The following RAPGEF6 variants were observed in gnomAD, a reference collection of about 807,000 sequenced individuals.
RAPGEF6 encodes Rap guanine nucleotide exchange factor 6, also known as PDZ domain containing guanine nucleotide exchange factor (GEF) 2.
A neutral mutation model predicts 171.4 loss-of-function variants in RAPGEF6; 56 were observed. The observed-to-expected ratio is 0.33, with a 90% CI of 0.26 to 0.41. The LOEUF (loss-of-function observed/expected upper bound fraction) is 0.41, where lower values mean the gene tolerates loss of function less well. Ranked by LOEUF, RAPGEF6 falls within the 10% of genes least tolerant of loss-of-function variation. The pLI, the probability that RAPGEF6 is intolerant of heterozygous loss-of-function variation, is 1.00. For missense variants in RAPGEF6, 1,674 were observed against 1,921.4 expected (o/e 0.87, Z 2.41); for synonymous variants, 692 against 650.1 (o/e 1.06, Z -0.98).
chr5:131,630,647 GA>G (rs1454298518), intron 1 of RAPGEF6, among the ~76,000 whole-genome samples: 1 of 152,194 alleles, frequency 6.6e-6, no homozygotes, highest in African/African-American at 2.4e-5. Context: ...CACTGTGTTA[GA>G]AAGATATCTA....
At chr5:131,600,920 C>T (rs10069266) in intron 3 of RAPGEF6, among the ~76,000 whole-genome samples, 10,111 of 151,610 alleles carry the variant, frequency 0.067, 805 homozygotes, top group African/African-American at 0.2. Context: ...CACAAGGGGA[C>T]AAGTTGAGAA....
chr5:131,430,725 G>A, intron 26 of RAPGEF6, 134 bp downstream of exon 26: 1 of 1,250,378 alleles, frequency 8.0e-7, no homozygotes, highest in South Asian at 1.2e-5. Context: ...GAAATAACTT[G>A]TTTGTTTGTG....
intron 16 of RAPGEF6, among the ~76,000 whole-genome samples, chr5:131,478,836 T>G (rs1423053218): frequency 6.6e-6 from 1 of 152,220 alleles, no homozygotes; most frequent in Non-Finnish European, 1.5e-5. Context: ...TGAACTTGCT[T>G]TATTTCATTC....
At chr5:131,447,451 CAAACA>C (rs1378956741) in intron 21 of RAPGEF6, 1 of 152,032 alleles carries the variant, frequency 6.6e-6, no homozygotes, top group Non-Finnish European at 1.5e-5. Context: ...AACCACAATT[CAAACA>C]AACTACAGCT....
intron 11 of RAPGEF6, among the ~76,000 whole-genome samples, chr5:131,503,509 G>T (rs1757155577): frequency 1.3e-5 from 2 of 152,170 alleles, no homozygotes; most frequent in African/African-American, 2.4e-5. Flanking sequence ...GGAAAAGAAA[G>T]ATCTCTGAGG....
intron 24 of RAPGEF6, chr5:131,436,335 G>T: frequency 6.5e-7 from 1 of 1,537,604 alleles, no homozygotes; most frequent in Non-Finnish European, 8.7e-7. Flanking sequence ...TTCCGGGGCA[G>T]CTCTGGCCAC....
intron 5 of RAPGEF6, among the ~76,000 whole-genome samples, chr5:131,557,163 T>C (rs1248997511): frequency 1.3e-5 from 2 of 152,214 alleles, no homozygotes; most frequent in Non-Finnish European, 1.5e-5. Context: ...TTTTAAAATA[T>C]CCTGGGATTA....
intron 6 of RAPGEF6, among the ~76,000 whole-genome samples, chr5:131,536,553 C>CA (rs1230256932): frequency 2.6e-5 from 4 of 152,200 alleles, no homozygotes; most frequent in Admixed American, 6.6e-5. Flanking sequence ...CTGTCACAGC[C>CA]ACCAGCTGGA....
At chr5:131,450,585 C>T (rs1367916723) in intron 21 of RAPGEF6, among the ~76,000 whole-genome samples, 1 of 152,104 alleles carries the variant, frequency 6.6e-6, no homozygotes, top group Non-Finnish European at 1.5e-5. Flanking sequence ...AAAAACATAT[C>T]ATTAAAATCT....
At chr5:131,491,494 C>T (rs572942512) in intron 14 of RAPGEF6, among the ~76,000 whole-genome samples, 336 of 152,258 alleles carry the variant, frequency 2.2e-3, no homozygotes, top group Middle Eastern at 0.02. Context: ...ATTTGGGAAA[C>T]CACCCTTTGA....
At chr5:131,446,986 A>G (rs1019839033) in intron 21 of RAPGEF6, 1 of 310,088 alleles carries the variant, frequency 3.2e-6, no homozygotes, top group Non-Finnish European at 6.0e-6. Flanking sequence ...CTATGGCACA[A>G]CAGTAACAAG....
chr5:131,611,535 G>A (rs1161476232), intron 1 of RAPGEF6, among the ~76,000 whole-genome samples: 1 of 152,074 alleles, frequency 6.6e-6, no homozygotes, highest in Non-Finnish European at 1.5e-5. Flanking sequence ...AGCTATGTGT[G>A]GTGGTGCATG....
chr5:131,508,873 A>G lies in RAPGEF6; in HGVS notation c.806-666T>C, dbSNP rs574297341. On this transcript the variant is annotated intron_variant, in intron 8 of 27. Coordinates refer to ENST00000509018, the MANE Select transcript of RAPGEF6 (RefSeq NM_016340.6). ...TCAATTTTTAAAAAGTTTTATGAAA[A>G]TAGTATAGTATACAATTCTTTATCA... Among the ~76,000 whole-genome samples the G allele has an allele frequency of 2.6e-5, 4 of 152,346 alleles. No homozygotes were observed. The East Asian group carries it at 7.7e-4, about 29-fold the overall frequency.
rs114320241 is a variant in RAPGEF6 at position 131,461,569 on chromosome 5, T to A, written c.2864+136A>T. 1.6e-3 allele frequency: 1,342 copies of A among 854,758 alleles called. 11 individuals carry two copies. The African/African-American group carries it at 0.021, about 13-fold the overall frequency. The allele number at this position is 854,758 out of a possible 1,614,324, so 52.9% of individuals were successfully genotyped here. On this transcript the variant is annotated intron_variant, in intron 19 of 27. Transcript: ENST00000509018. ...CAATACCACCAAAATGGAAAATACA[T>A]TAAATCTAACAACACTTCAATAAAG...
At chr5:131,613,059 A>G (rs1580676738) in intron 1 of RAPGEF6, among the ~76,000 whole-genome samples, 1 of 152,204 alleles carries the variant, frequency 6.6e-6, no homozygotes, top group East Asian at 1.9e-4. Flanking sequence ...ATTTGGACAA[A>G]TGAACATGTA....
chr5:131,608,242 T>C (rs1486802298), intron 1 of RAPGEF6, among the ~76,000 whole-genome samples: 2 of 152,360 alleles, frequency 1.3e-5, no homozygotes, highest in Non-Finnish European at 1.5e-5. Context: ...AAACATTCAC[T>C]ATTTGGCCCT....
intron 6 of RAPGEF6, among the ~76,000 whole-genome samples, chr5:131,547,508 CTTT>C (rs537121153): frequency 3.8e-5 from 5 of 132,422 alleles, no homozygotes; most frequent in Non-Finnish European, 1.6e-5. Flanking sequence ...ACACAGCTTA[CTTT>C]TTTTTTTTTT....
chr5:131,536,523 C>A (rs1431405149), intron 6 of RAPGEF6, among the ~76,000 whole-genome samples: 7 of 152,076 alleles, frequency 4.6e-5, no homozygotes, highest in Admixed American at 3.9e-4. Flanking sequence ...TAACTGATCA[C>A]CCCCATTTTT....
At chr5:131,431,487 A>C in intron 25 of RAPGEF6, 138 bp from the exon 26 acceptor site, 1 of 881,836 alleles carries the variant, frequency 1.1e-6, no homozygotes, top group Non-Finnish European at 1.7e-6. Context: ...TGAGGAAAAC[A>C]ATATTATCAT....
Sources: allele counts gnomAD v4.1 joint callset (sites outside exome capture counted in the v4.1 genomes callset), GRCh38; gene constraint gnomAD v4.1.1; transcripts MANE v1.5; gene names NCBI Gene and HGNC (gene_info 2026-07-23, HGNC 2026-07-21).